Variants in DNASE1 observed in about 807,000 individuals in gnomAD.
DNASE1 encodes deoxyribonuclease 1, also known as deoxyribonuclease-1.
Under a neutral mutation model 33.9 loss-of-function variants are expected in DNASE1, and 40 were observed. That is an observed-to-expected ratio of 1.18 (90% CI 0.92 to 1.54). The LOEUF is 1.54. DNASE1 is among the 40% of genes most tolerant of loss of function. DNASE1 has a pLI of 0.00. For synonymous variants in DNASE1, 216 were observed against 160.0 expected, an observed-to-expected ratio of 1.35 and a Z score of -2.64; for missense variants, 518 against 372.6, an observed-to-expected ratio of 1.39 and a Z score of -3.21.
intron 2 of DNASE1, 32 bp downstream of exon 2, chr16:3,655,552 G>T: frequency 6.2e-7 from 1 of 1,613,644 alleles, no homozygotes; most frequent in Non-Finnish European, 8.5e-7. Context: ...CCCAAAAGCA[G>T]AGGAGCTCTG....
chr16:3,654,604 C>T, upstream of DNASE1: 1 of 398,632 alleles, frequency 2.5e-6, no homozygotes, highest in Non-Finnish European at 4.4e-6. Flanking sequence ...AAGATGGGGG[C>T]CACCACACGT....
Position 3,612,910 on chromosome 16 carries a change from G to A in DNASE1, c.-1359+904G>A, listed in dbSNP as rs532043395. Among the ~76,000 whole-genome samples, 16 of 152,300 alleles carry A rather than the reference G, an allele frequency of 1.1e-4. 1 individual carries two copies. The highest frequency in any genetic ancestry group is 3.8e-4 in the African/African-American group (16 of 41,566). On this transcript the variant is annotated intron_variant and NMD_transcript_variant, in intron 1 of 11. Transcript: ENST00000570769. The stretch of plus-strand genomic sequence containing the variant: ...TTTCTGGCCTTAACATCTGAGAGTA[G>A]TGTGCCTCCAGTCACTGAAATAATG...
chr16:3,627,039 ATTT>A (rs1203260520), intron 1 of DNASE1, among the ~76,000 whole-genome samples: 2 of 137,940 alleles, frequency 1.4e-5, no homozygotes. Flanking sequence ...GCTTATTTAA[ATTT>A]TTTTTTTTTT....
chr16:3,626,442 T>G (rs749237466), intron 1 of DNASE1, among the ~76,000 whole-genome samples: 1 of 152,216 alleles, frequency 6.6e-6, no homozygotes, highest in Non-Finnish European at 1.5e-5. Context: ...GAGAGTTCCC[T>G]CATTTTTCTG....
downstream of DNASE1, chr16:3,662,984 G>A (rs374110656): frequency 4.7e-5 from 75 of 1,585,272 alleles, no homozygotes; most frequent in African/African-American, 3.1e-4. Context: ...AAGAGCAGGC[G>A]ACAGGGAGCT....
chr16:3,631,265 A>G (rs903000110), intron 1 of DNASE1, among the ~76,000 whole-genome samples: 4 of 146,746 alleles, frequency 2.7e-5, no homozygotes, highest in African/African-American at 5.1e-5. Flanking sequence ...TGCAGTGGCA[A>G]TCTTGACTCA....
intron 1 of DNASE1, among the ~76,000 whole-genome samples, chr16:3,635,393 G>A (rs1156363043): frequency 6.7e-6 from 1 of 150,100 alleles, no homozygotes; most frequent in Non-Finnish European, 1.5e-5. Context: ...GGGAGGCAGA[G>A]GTTGCAGTGA....
intron 1 of DNASE1, among the ~76,000 whole-genome samples, chr16:3,648,016 A>T (rs1596622633): frequency 6.6e-6 from 1 of 152,218 alleles, no homozygotes; most frequent in South Asian, 2.1e-4. Flanking sequence ...GAAAATACAA[A>T]ACTTAGCCAG....
At chr16:3,641,087 G>T (rs7203011), upstream of DNASE1, 2 of 397,516 alleles carry the variant, frequency 5.0e-6, no homozygotes, top group East Asian at 7.1e-5. Context: ...CCTGCGTGAG[G>T]CCCCATCCAC....
intron 1 of DNASE1, among the ~76,000 whole-genome samples, chr16:3,614,843 A>G (rs2041043681): frequency 6.6e-6 from 1 of 152,190 alleles, no homozygotes; most frequent in African/African-American, 2.4e-5. Flanking sequence ...GATAATTGTA[A>G]TGGTAGAAAT....
chr16:3,661,435 A>AC, downstream of DNASE1: 1 of 152,302 alleles, frequency 6.6e-6, no homozygotes, highest in Non-Finnish European at 1.5e-5. Context: ...CCACAGAGAA[A>AC]CCCACACAAG....
At chr16:3,659,938 TGAG>T (rs2042975045), downstream of DNASE1, 1 of 152,078 alleles carries the variant, frequency 6.6e-6, no homozygotes, top group African/African-American at 2.4e-5. Context: ...TTAGTAGAGA[TGAG>T]GTCTCGAACT....
chr16:3,627,198 T>C (rs1052348397), intron 1 of DNASE1, among the ~76,000 whole-genome samples: 1 of 152,012 alleles, frequency 6.6e-6, no homozygotes, highest in African/African-American at 2.4e-5. Flanking sequence ...TTTTCTTTGC[T>C]ATGAAGTCTA....
downstream of DNASE1, chr16:3,662,893 T>C (rs201424736): frequency 2.5e-6 from 4 of 1,613,588 alleles, no homozygotes; most frequent in East Asian, 8.9e-5. Flanking sequence ...TTCACGTTGG[T>C]GACACGCGAC....
At chr16:3,663,314 C>T in exon 10 of DNASE1, 5 of 1,454,452 alleles carry the variant, frequency 3.4e-6, no homozygotes, top group Non-Finnish European at 3.7e-6. Flanking sequence ...TCGGGGGTGG[C>T]TGAGCCCAGG....
At chr16:3,658,757 T>A (rs145572682), downstream of DNASE1, 297 of 1,594,166 alleles carry the variant, frequency 1.9e-4, 3 homozygotes, top group East Asian at 6.6e-3. Flanking sequence ...GCTGGTAGCC[T>A]GGGTCCCTGC....
chr16:3,626,979 C>G (rs2151170760), intron 1 of DNASE1, among the ~76,000 whole-genome samples: 1 of 152,134 alleles, frequency 6.6e-6, no homozygotes, highest in East Asian at 1.9e-4. Context: ...TCCAGTGATT[C>G]TCCTGCCTCC....
At chr16:3,659,775 AG>A (rs2042963864), downstream of DNASE1, 1 of 150,330 alleles carries the variant, frequency 6.7e-6, no homozygotes, top group African/African-American at 2.4e-5. Context: ...ATAGATAGAT[AG>A]ATAGACTCTC....
downstream of DNASE1, chr16:3,658,982 T>C (rs1318028595): frequency 1.0e-6 from 1 of 986,196 alleles, no homozygotes; most frequent in Admixed American, 2.3e-5. Context: ...CTGTAGTTTT[T>C]TAAATAAGGT....
Sources: allele counts gnomAD v4.1 joint callset (sites outside exome capture counted in the v4.1 genomes callset), GRCh38; gene constraint gnomAD v4.1.1; transcripts MANE v1.5; gene names NCBI Gene and HGNC (gene_info 2026-07-23, HGNC 2026-07-21).